The following F2 variants were observed in gnomAD, a reference collection of about 807,000 sequenced individuals.
The protein encoded by F2 is coagulation factor II, thrombin, also known as prothrombin.
A neutral mutation model predicts 81.9 loss-of-function variants in F2; 34 were observed. The observed-to-expected ratio is 0.42, with a 90% CI of 0.32 to 0.55. The LOEUF (loss-of-function observed/expected upper bound fraction) is 0.55. F2 is among the 20% of genes least tolerant of loss of function. The pLI, the probability that F2 is intolerant of heterozygous loss-of-function variation, is 0.18. For missense variants in F2, 630 were observed against 833.4 expected (o/e 0.76, Z 3.00); for synonymous variants, 296 against 326.4 (o/e 0.91, Z 1.01).
At position 46,719,500 on chromosome 11, in the gene F2, T is replaced by C. The variant is rs1277161968; in HGVS notation, c.79+186T>C. 2 of 946,786 alleles carry C rather than the reference T, an allele frequency of 2.1e-6. No individual in the cohort carries two copies. Among genetic ancestry groups the C allele is most frequent in the African/African-American group, 1.6e-5 (1 of 61,360 alleles). The allele number at this position is 946,786 out of a possible 1,614,324, so 58.6% of individuals were successfully genotyped here. On this transcript the variant is annotated intron_variant, in intron 1 of 13. Coordinates refer to ENST00000311907, the MANE Select transcript of F2 (RefSeq NM_000506.5). This position sits in a 1 kb window ranked among gnomAD's most constrained non-coding sequence, Gnocchi z 4.7. ...GAGAATGGCTGCTTCTCTCTTCCAA[T>C]ATAGGGAGCAGGCTGGGGGCAAGGG...
intron 4 of F2, among the ~76,000 whole-genome samples, chr11:46,722,647 G>A (rs893483560): frequency 1.1e-4 from 16 of 152,288 alleles, no homozygotes; most frequent in Admixed American, 2.0e-4. Flanking sequence ...TTCTGTTCAA[G>A]GCACCAAGAG....
chr11:46,738,955 G>A, intron 12 of F2, 93 bp from the exon 13 acceptor site: 1 of 1,238,628 alleles, frequency 8.1e-7, no homozygotes, highest in South Asian at 1.2e-5. Flanking sequence ...ATGACTGGAG[G>A]GGTAAGTGGA....
In F2 at chr11:46,719,265, T is replaced by C; in HGVS notation, c.30T>C (p.Pro10=). The change falls in exon 1 of 14, where the codon CCT becomes CCC. Residue 10 remains proline, a synonymous_variant. Coordinates refer to ENST00000311907, the MANE Select transcript of F2 (RefSeq NM_000506.5). This position sits in a 1 kb window ranked among gnomAD's most constrained non-coding sequence, Gnocchi z 4.7. MAHVRGLQL[P]GCLALAALCS... ...CGCACGTCCGAGGCTTGCAGCTGCC[T>C]GGCTGCCTGGCCCTGGCTGCCCTGT... The C allele has an allele frequency of 6.2e-7, 1 of 1,613,752 alleles. No homozygotes were observed. Among genetic ancestry groups the C allele is most frequent in the Non-Finnish European group, 8.5e-7 (1 of 1,180,020 alleles).
intron 12 of F2, among the ~76,000 whole-genome samples, chr11:46,734,636 C>T (rs2064933280): frequency 6.6e-6 from 1 of 152,060 alleles, no homozygotes. Context: ...CATGGTGAAA[C>T]CCTGTCTCTA....
chr11:46,725,062 G>A (rs1227532238), intron 6 of F2, among the ~76,000 whole-genome samples: 3 of 130,874 alleles, frequency 2.3e-5, no homozygotes, highest in African/African-American at 6.0e-5. Context: ...GAGGCACTGC[G>A]CCCGGCCTTT....
At chr11:46,727,781 A>T (rs2064883696) in intron 9 of F2, among the ~76,000 whole-genome samples, 1 of 151,930 alleles carries the variant, frequency 6.6e-6, no homozygotes. Context: ...CCTGTCTCAA[A>T]AATAAATAAA....
At chr11:46,730,877 T>A (rs1290878046) in intron 12 of F2, among the ~76,000 whole-genome samples, 35 of 139,040 alleles carry the variant, frequency 2.5e-4, no homozygotes, top group Non-Finnish European at 4.6e-5. Context: ...AAAAAAAAAA[T>A]ACCCAAGGAT....
chr11:46,728,660 G>A lies in F2; in HGVS notation c.1299-4G>A. On this transcript the variant is annotated splice_polypyrimidine_tract_variant and splice_region_variant and intron_variant, in intron 10 of 13. Transcript: ENST00000311907. This position sits in a 1 kb window ranked among gnomAD's most constrained non-coding sequence, Gnocchi z 5.1. The stretch of plus-strand genomic sequence containing the variant: ...TCTCCATTTCTTTCTTGGGGTCTCT[G>A]CAGGTACGAGCGAAACATTGAAAAG... 6.2e-7 allele frequency: 1 copy of A among 1,613,752 alleles called. No individual in the cohort carries two copies. Among genetic ancestry groups the A allele is most frequent in the Non-Finnish European group, 8.5e-7 (1 of 1,179,588 alleles).
rs1254295044 is a variant in F2, at chr11:46,726,166, C to T, written c.867C>T (p.Asn289=). The stretch of plus-strand genomic sequence containing the variant: ...GCGACTTTGGGTACTGCGACCTCAA[C>T]TATTGTGGTGAGCTGCCTGGGTAGG... The part of the protein sequence containing the change: ...KPGDFGYCDL[N]YCEEAVEEET... Residue 289 remains asparagine, a synonymous_variant, in exon 7 of 14, where the codon AAC becomes AAT. Coordinates refer to ENST00000311907, the MANE Select transcript of F2 (RefSeq NM_000506.5). This position sits in a 1 kb window ranked among gnomAD's most constrained non-coding sequence, Gnocchi z 5.9. 2.5e-6 allele frequency: 4 copies of T among 1,613,570 alleles called. No homozygotes were observed. The highest frequency in any genetic ancestry group is 1.7e-5 in the Admixed American group (1 of 60,006).
Position 46,726,259 on chromosome 11 carries a change from C to T in F2, c.874+86C>T. 6.4e-7 allele frequency: 1 copy of T among 1,554,022 alleles called. No individual in the cohort carries two copies. Among genetic ancestry groups the T allele is most frequent in the Non-Finnish European group, 8.7e-7 (1 of 1,143,328 alleles). ...GCCGCTTCTGCTTATCGAACGCTTA[C>T]CTCATTGAGTGCGCTCATTACAGCC... On this transcript the variant is annotated intron_variant, in intron 7 of 13. Transcript: ENST00000311907. This position sits in a 1 kb window ranked among gnomAD's most constrained non-coding sequence, Gnocchi z 5.9.
Position 46,726,295 on chromosome 11 carries a change from C to G in F2, c.874+122C>G. Reference sequence around the variant, plus strand: ...GCGCTCATTACAGCCTTACAGTAACCAGGTGGGGGGTAAGGTCCTGTGCCC... The same window carrying G: ...GCGCTCATTACAGCCTTACAGTAACGAGGTGGGGGGTAAGGTCCTGTGCCC... On this transcript the variant is annotated intron_variant, in intron 7 of 13. Transcript: ENST00000311907. The surrounding 1 kb of genome is among the most constrained non-coding windows in gnomAD (Gnocchi z 5.9). 6.9e-7 allele frequency: 1 copy of G among 1,452,064 alleles called. No homozygotes were observed. The highest frequency in any genetic ancestry group is 2.4e-5 in the East Asian group (1 of 41,356). 89.9% of individuals were successfully genotyped at this position (1,452,064 alleles called of 1,614,324 possible).
chr11:46,728,792 A>T lies in F2; in HGVS notation c.1427A>T (p.Asp476Val). The change falls in exon 11 of 14, where the codon GAC becomes GTC. Residue 476 changes from aspartate (D) to valine (V), a missense_variant. By Grantham distance (152) the Asp-to-Val change is radical. Transcript: ENST00000311907. The surrounding 1 kb of genome is among the most constrained non-coding windows in gnomAD (Gnocchi z 5.1). ...CTGAAGAAGCCTGTTGCCTTCAGTGACTACATTCACCCTGTGTGTCTGCCC... is the reference window on the plus strand; with the variant it reads ...CTGAAGAAGCCTGTTGCCTTCAGTGTCTACATTCACCCTGTGTGTCTGCCC... ...MKLKKPVAFSDYIHPVCLPDR... is the reference protein window; with the variant it reads ...MKLKKPVAFSVYIHPVCLPDR... 6.2e-7 allele frequency: 1 copy of T among 1,614,186 alleles called. No individual in the cohort carries two copies. The highest frequency in any genetic ancestry group is 8.5e-7 in the Non-Finnish European group (1 of 1,180,030).
Position 46,723,090 on chromosome 11 carries a change from T to C in F2, c.317-90T>C, listed in dbSNP as rs2134527532. 9.4e-7 allele frequency: 1 copy of C among 1,067,308 alleles called. No individual in the cohort carries two copies. The highest frequency in any genetic ancestry group is 1.5e-6 in the Non-Finnish European group (1 of 681,728). The allele number at this position is 1,067,308 out of a possible 1,614,324, so 66.1% of individuals were successfully genotyped here. ...GCAGGTTCAGGATTGTGGACCTGCA[T>C]GAGCTGGGAGGTGGGGGATAGACAA... On this transcript the variant is annotated intron_variant, in intron 4 of 13. Coordinates refer to ENST00000311907, the MANE Select transcript of F2 (RefSeq NM_000506.5). The surrounding 1 kb of genome is among the most constrained non-coding windows in gnomAD (Gnocchi z 5.6).
rs1227147475 is a variant in F2, at chr11:46,720,542, A to G, written c.260A>G (p.Tyr87Cys). The G allele has an allele frequency of 3.1e-6, 5 of 1,614,018 alleles. No homozygotes were observed. The highest frequency in any genetic ancestry group is 4.2e-6 in the Non-Finnish European group (5 of 1,180,034). ...TTTCAGGATGTGTTCTGGGCCAAGT[A>G]CACAGGTGAGCACCGGGAAGGATTT... Reference protein sequence around the residue: ...STATDVFWAKYTACETARTPR... With the variant: ...STATDVFWAKCTACETARTPR... Residue 87 changes from tyrosine to cysteine, a missense_variant, in exon 3 of 14, where the codon TAC becomes TGC. Transcript: ENST00000311907.
At chr11:46,720,755 C>T (rs972674937) in intron 3 of F2, 35 bp from the exon 4 acceptor site, 17 of 1,613,032 alleles carry the variant, frequency 1.1e-5, no homozygotes, top group Non-Finnish European at 1.4e-5. Context: ...TGGCCATACC[C>T]CAATCCCAAA....
Position 46,728,293 on chromosome 11 carries a change from C to A in F2, c.1298+130C>A, listed in dbSNP as rs961757734. 22 of 1,081,316 alleles carry A rather than the reference C, an allele frequency of 2.0e-5. No individual in the cohort carries two copies. In the Admixed American group the frequency reaches 4.2e-4, roughly 21 times the overall value. 67.0% of individuals were successfully genotyped at this position (1,081,316 alleles called of 1,614,324 possible). Reference sequence around the variant, plus strand: ...CCCCAGAATATAACATCCCAGCAGTCTCTGCTGGAAAGCCCATTTGGTCAC... The same window carrying A: ...CCCCAGAATATAACATCCCAGCAGTATCTGCTGGAAAGCCCATTTGGTCAC... On this transcript the variant is annotated intron_variant, in intron 10 of 13. Coordinates refer to ENST00000311907, the MANE Select transcript of F2 (RefSeq NM_000506.5). This position sits in a 1 kb window ranked among gnomAD's most constrained non-coding sequence, Gnocchi z 5.1.
Position 46,725,977 on chromosome 11 carries a change from G to T in F2, c.678G>T (p.Ala226=), listed in dbSNP as rs754105739. Residue 226 remains alanine, a synonymous_variant, in exon 7 of 14, where the codon GCG becomes GCT. Coordinates refer to ENST00000311907, the MANE Select transcript of F2 (RefSeq NM_000506.5). ...DRGQQYQGRL[A]VTTHGLPCLA... ...GGCAGCAGTACCAGGGGCGCCTGGC[G>T]GTGACCACACATGGGCTCCCCTGCC... is the stretch of plus-strand genomic sequence containing the variant. The T allele has an allele frequency of 6.2e-7, 1 of 1,613,922 alleles. No individual in the cohort carries two copies. The highest frequency in any genetic ancestry group is 8.5e-7 in the Non-Finnish European group (1 of 1,179,994).
Position 46,719,352 on chromosome 11 carries a change from C to T in F2, c.79+38C>T. 1 of 1,595,802 alleles carries T rather than the reference C, an allele frequency of 6.3e-7. No homozygotes were observed. Among genetic ancestry groups the T allele is most frequent in the Non-Finnish European group, 8.5e-7 (1 of 1,170,720 alleles). The stretch of plus-strand genomic sequence containing the variant: ...TTGCAGGCTGGAACAGGCTGGAGGA[C>T]TGGGGTGTGGGCCCATGGGCTGGGG... On this transcript the variant is annotated intron_variant, in intron 1 of 13. Transcript: ENST00000311907. This position sits in a 1 kb window ranked among gnomAD's most constrained non-coding sequence, Gnocchi z 4.7.
chr11:46,719,830 G>A lies in F2; in HGVS notation c.208G>A (p.Ala70Thr), dbSNP rs748467283. Residue 70 changes from alanine to threonine, a missense_variant, in exon 2 of 14, where the codon GCC becomes ACC. Transcript: ENST00000311907. This position sits in a 1 kb window ranked among gnomAD's most constrained non-coding sequence, Gnocchi z 4.7. ...CVEETCSYEE[A>T]FEALESSTAT... is the part of the protein sequence containing the mutation. Reference sequence around the variant, plus strand: ...GGAGGAGACGTGCAGCTACGAGGAGGCCTTCGAGGCTCTGGAGTCCTCCAC... The same window carrying A: ...GGAGGAGACGTGCAGCTACGAGGAGACCTTCGAGGCTCTGGAGTCCTCCAC... 7 of 1,582,662 alleles carry A rather than the reference G, an allele frequency of 4.4e-6. No homozygotes were observed. In the South Asian group the frequency reaches 8.1e-5, roughly 18 times the overall value.
Sources: allele counts gnomAD v4.1 joint callset (sites outside exome capture counted in the v4.1 genomes callset), GRCh38; gene constraint gnomAD v4.1.1; non-coding constraint Gnocchi (gnomAD v3.1); transcripts MANE v1.5; gene names NCBI Gene and HGNC (gene_info 2026-07-23, HGNC 2026-07-21).